The following ING5 variants were observed in gnomAD, a reference collection of about 807,000 sequenced individuals.
The protein encoded by ING5 is inhibitor of growth family member 5.
In ING5, 17 loss-of-function variants were observed where a neutral mutation model predicts 37.4. The ratio of observed to expected loss-of-function variants is 0.45; its 90% CI spans 0.31 to 0.68. The LOEUF is 0.68. Among genes scored for constraint, ING5 ranks in the 30% least tolerant of loss-of-function variants. The pLI, the probability that ING5 is intolerant of heterozygous loss-of-function variation, is 0.05. For missense variants in ING5, 233 were observed against 311.9 expected, an observed-to-expected ratio of 0.75 and a Z score of 1.91; for synonymous variants, 123 against 116.6, an observed-to-expected ratio of 1.06 and a Z score of -0.36.
intron 5 of ING5, chr2:241,720,720 C>T (rs2070409543): frequency 2.0e-6 from 2 of 985,484 alleles, no homozygotes; most frequent in African/African-American, 1.7e-5. Context: ...GGGGAGTTAG[C>T]ACAGAGGGTG....
intron 2 of ING5, among the ~76,000 whole-genome samples, chr2:241,705,187 G>A (rs2069865343): frequency 6.6e-6 from 1 of 151,788 alleles, no homozygotes. Flanking sequence ...CCATTCTCTT[G>A]CCTCAGCCTC....
At chr2:241,701,785 C>A (rs1039866103), upstream of ING5, among the ~76,000 whole-genome samples, 1 of 152,094 alleles carries the variant, frequency 6.6e-6, no homozygotes, top group Non-Finnish European at 1.5e-5. Context: ...GTGCCCTGGG[C>A]CGCACGCCGG....
chr2:241,692,992 G>A (rs1282073718), intron 2 of ING5, among the ~76,000 whole-genome samples: 1 of 152,090 alleles, frequency 6.6e-6, no homozygotes, highest in African/African-American at 2.4e-5. Context: ...CAGGTGCGTT[G>A]GCTCACGCCT....
At chr2:241,714,476 G>A (rs2070206075) in intron 5 of ING5, among the ~76,000 whole-genome samples, 1 of 152,118 alleles carries the variant, frequency 6.6e-6, no homozygotes, top group African/African-American at 2.4e-5. Flanking sequence ...TAAGTTGTCA[G>A]ATTTTTTTGA....
intron 5 of ING5, chr2:241,722,006 G>C: frequency 3.0e-6 from 3 of 985,460 alleles, no homozygotes; most frequent in Non-Finnish European, 3.6e-6. Context: ...GGGGCCCTGT[G>C]CCAGGTGGAC....
At chr2:241,704,094 G>T (rs1399667957) in intron 1 of ING5, among the ~76,000 whole-genome samples, 1 of 152,158 alleles carries the variant, frequency 6.6e-6, no homozygotes, top group African/African-American at 2.4e-5. Flanking sequence ...GGCCTCCCCT[G>T]CCTGTGCTGT....
At chr2:241,720,237 A>C (rs149341546) in intron 5 of ING5, 18,243 of 1,231,334 alleles carry the variant, frequency 0.015, 160 homozygotes, top group Non-Finnish European at 0.017. Context: ...TGGGCTCTGG[A>C]GTTCTGTGGT....
chr2:241,722,188 C>T, intron 5 of ING5: 1 of 985,362 alleles, frequency 1.0e-6, no homozygotes. Context: ...GCGGGCTGCT[C>T]TGACACCTGT....
At chr2:241,688,057 T>G (rs1049932303) in exon 1 of ING5, 4 of 152,216 alleles carry the variant, frequency 2.6e-5, no homozygotes, top group African/African-American at 9.7e-5. Context: ...CCTGGACATT[T>G]CTCAGGTGAG....
At chr2:241,715,236 C>G (rs1429876751) in intron 5 of ING5, among the ~76,000 whole-genome samples, 2 of 151,800 alleles carry the variant, frequency 1.3e-5, no homozygotes, top group Non-Finnish European at 2.9e-5. Context: ...ACTCTGTCAC[C>G]CAGGCTGGAG....
chr2:241,699,706 G>T (rs1400768016), upstream of ING5, among the ~76,000 whole-genome samples: 1 of 152,078 alleles, frequency 6.6e-6, no homozygotes, highest in Non-Finnish European at 1.5e-5. Context: ...GGGTTCTGGG[G>T]CCTACACGTT....
chr2:241,722,489 G>A (rs555620129), intron 5 of ING5: 6 of 985,408 alleles, frequency 6.1e-6, no homozygotes, highest in African/African-American at 5.2e-5. Flanking sequence ...AGGTGGGCGC[G>A]AGGTCTCCAC....
At position 241,722,924 on chromosome 2, in the gene ING5, C is replaced by T. The variant is rs2070466449; in HGVS notation, c.483-15C>T. On this transcript the variant is annotated splice_polypyrimidine_tract_variant and intron_variant, in intron 5 of 7. Coordinates refer to ENST00000313552, the MANE Select transcript of ING5 (RefSeq NM_032329.6). ...ACCATGGCCTTCAGTGGTGCCTGTG[C>T]CCTGTCCCCTGCAGGTCTGAGTTCA... The T allele has an allele frequency of 6.2e-7, 1 of 1,613,374 alleles. No homozygotes were observed. The highest frequency in any genetic ancestry group is 2.2e-5 in the East Asian group (1 of 44,876).
At chr2:241,711,313 A>T in intron 3 of ING5, 64 bp from the exon 4 acceptor site, 1 of 1,146,850 alleles carries the variant, frequency 8.7e-7, no homozygotes, top group Non-Finnish European at 1.2e-6. Context: ...ATACTTTTGT[A>T]CATTCGTGAT....
In ING5 at chr2:241,723,089, C is replaced by T; in HGVS notation, c.618+15C>T. ...ACAATCCAGACGTGAGTGTCGCCTG[C>T]AGGATTCGCGCCATGGGGCGGGGTC... is the stretch of plus-strand genomic sequence containing the variant. On this transcript the variant is annotated intron_variant, in intron 6 of 7. Coordinates refer to ENST00000313552, the MANE Select transcript of ING5 (RefSeq NM_032329.6). 1.2e-6 allele frequency: 2 copies of T among 1,614,220 alleles called. No individual in the cohort carries two copies. The highest frequency in any genetic ancestry group is 1.1e-5 in the South Asian group (1 of 91,090).
intron 5 of ING5, among the ~76,000 whole-genome samples, chr2:241,716,937 CA>C (rs2070289530): frequency 6.6e-6 from 1 of 152,072 alleles, no homozygotes; most frequent in Admixed American, 6.6e-5. Context: ...GGAATAAGTT[CA>C]AAAGATCCGT....
intron 2 of ING5, among the ~76,000 whole-genome samples, chr2:241,708,643 G>A (rs1403061386): frequency 3.3e-5 from 5 of 152,278 alleles, no homozygotes; most frequent in African/African-American, 1.2e-4. Context: ...GGAATCATCC[G>A]TGTTGCTGTG....
intron 1 of ING5, among the ~76,000 whole-genome samples, chr2:241,702,530 G>T (rs921849966): frequency 2.0e-5 from 3 of 147,128 alleles, no homozygotes; most frequent in South Asian, 2.2e-4. Flanking sequence ...GGCCTTGGGG[G>T]CTCCGGGGTC....
intron 7 of ING5, chr2:241,723,870 C>T (rs577938914): frequency 4.0e-5 from 58 of 1,455,152 alleles, no homozygotes; most frequent in South Asian, 3.8e-4. Flanking sequence ...ATTAGCTGGG[C>T]GTGGTGGTGC....
Sources: allele counts gnomAD v4.1 joint callset (sites outside exome capture counted in the v4.1 genomes callset), GRCh38; gene constraint gnomAD v4.1.1; transcripts MANE v1.5; gene names NCBI Gene and HGNC (gene_info 2026-07-23, HGNC 2026-07-21).